The following FARP1 variants were observed in gnomAD, a reference collection of about 807,000 sequenced individuals.
FARP1 encodes FERM, ARHGEF and pleckstrin domain-containing protein 1.
Under a neutral mutation model 128.8 loss-of-function variants are expected in FARP1, and 52 were observed. That is an observed-to-expected ratio of 0.40 (90% CI 0.32 to 0.51). FARP1 has a LOEUF of 0.51. FARP1 is among the 20% of genes least tolerant of loss of function. The probability of loss-of-function intolerance (pLI) is 0.45; values close to 1 mark genes in which losing one functional copy is unlikely to be tolerated. For missense variants in FARP1, 1,333 were observed against 1,367.9 expected, an observed-to-expected ratio of 0.97 and a Z score of 0.40; for synonymous variants, 580 against 551.8, an observed-to-expected ratio of 1.05 and a Z score of -0.72.
chr13:98,163,020 G>A (rs1278010006), intron 1 of FARP1, among the ~76,000 whole-genome samples: 16 of 152,114 alleles, frequency 1.1e-4, no homozygotes, highest in Non-Finnish European at 1.6e-4. Context: ...ACATAGGCAC[G>A]TGAATGTTCA....
chr13:98,292,428 CA>C (rs1423599206), intron 2 of FARP1, among the ~76,000 whole-genome samples: 4 of 152,152 alleles, frequency 2.6e-5, no homozygotes, highest in Admixed American at 2.0e-4. Flanking sequence ...ATGTATTTGT[CA>C]AAACACTTTA....
At chr13:98,170,784 G>A (rs1594226038) in intron 1 of FARP1, among the ~76,000 whole-genome samples, 2 of 152,064 alleles carry the variant, frequency 1.3e-5, no homozygotes, top group African/African-American at 2.4e-5. Context: ...GAGCCACCGC[G>A]CCCGGCCATC....
At chr13:98,257,615 C>G (rs557562857) in intron 2 of FARP1, among the ~76,000 whole-genome samples, 7 of 152,196 alleles carry the variant, frequency 4.6e-5, no homozygotes, top group African/African-American at 1.4e-4. Context: ...ACTAAAGATA[C>G]AAAAATTAGC....
At chr13:98,408,195 G>A (rs538879277) in intron 13 of FARP1, among the ~76,000 whole-genome samples, 1 of 152,166 alleles carries the variant, frequency 6.6e-6, no homozygotes, top group Non-Finnish European at 1.5e-5. Flanking sequence ...ACTTAGGTTA[G>A]AAGTATATTC....
intron 1 of FARP1, among the ~76,000 whole-genome samples, chr13:98,191,835 C>T (rs185753069): frequency 1.2e-4 from 19 of 152,218 alleles, no homozygotes; most frequent in Admixed American, 1.0e-3. Flanking sequence ...CTCAGCTACT[C>T]GGGAGGCTGA....
chr13:98,343,220 C>G (rs1403624389), intron 2 of FARP1, among the ~76,000 whole-genome samples: 1 of 152,118 alleles, frequency 6.6e-6, no homozygotes, highest in Admixed American at 6.5e-5. Flanking sequence ...AGCTGGAACA[C>G]AGAGGAGTTT....
chr13:98,387,032 C>T (rs998066011), intron 8 of FARP1, among the ~76,000 whole-genome samples: 9 of 152,060 alleles, frequency 5.9e-5, no homozygotes, highest in Non-Finnish European at 1.2e-4. Context: ...CGGGCGCGGT[C>T]GCTCACACCT....
At chr13:98,331,287 A>T (rs1426966929) in intron 2 of FARP1, among the ~76,000 whole-genome samples, 1 of 152,214 alleles carries the variant, frequency 6.6e-6, no homozygotes, top group Non-Finnish European at 1.5e-5. Context: ...TCGAGAATCT[A>T]TGTGTTCGTA....
intron 2 of FARP1, among the ~76,000 whole-genome samples, chr13:98,219,495 C>T (rs567938831): frequency 1.6e-4 from 25 of 151,906 alleles, no homozygotes; most frequent in Middle Eastern, 3.4e-3. Context: ...GCCACCACAC[C>T]GGGCTAATTT....
At chr13:98,244,544 G>C in intron 2 of FARP1, 2 of 1,614,146 alleles carry the variant, frequency 1.2e-6, no homozygotes, top group Non-Finnish European at 1.7e-6. Flanking sequence ...GGACGGGTTG[G>C]GTACTGAGAT....
At chr13:98,323,800 T>G (rs1887110442) in intron 2 of FARP1, among the ~76,000 whole-genome samples, 1 of 152,232 alleles carries the variant, frequency 6.6e-6, no homozygotes, top group Admixed American at 6.5e-5. Context: ...CAGTTAACTT[T>G]ATTCAGCCTT....
chr13:98,278,710 G>T (rs1391257928), intron 2 of FARP1, among the ~76,000 whole-genome samples: 2 of 152,176 alleles, frequency 1.3e-5, no homozygotes, highest in Non-Finnish European at 2.9e-5. Context: ...TTTCTACCTT[G>T]TGGTTTCATG....
intron 11 of FARP1, among the ~76,000 whole-genome samples, chr13:98,391,788 G>A (rs1201046747): frequency 6.6e-6 from 1 of 152,214 alleles, no homozygotes; most frequent in Non-Finnish European, 1.5e-5. Context: ...CTGCTAAGCA[G>A]TTTCTGGCCA....
chr13:98,356,110 G>A (rs1888626676), intron 3 of FARP1, among the ~76,000 whole-genome samples: 1 of 152,104 alleles, frequency 6.6e-6, no homozygotes, highest in Admixed American at 6.5e-5. Flanking sequence ...ATTTCAATGA[G>A]GTTACGTTGT....
rs769133281 is a variant in FARP1 at position 98,258,554 on chromosome 13, A to G, written c.171+45141A>G. The stretch of plus-strand genomic sequence containing the variant: ...GAGGTAAAAGATCTGAATAGTGGCA[A>G]AGATGATGGGAAAAATCAGTTGGGT... On this transcript the variant is annotated intron_variant, in intron 2 of 26. Transcript: ENST00000319562. Among the ~76,000 whole-genome samples, 73 of 152,206 alleles carry G rather than the reference A, an allele frequency of 4.8e-4. 1 individual carries two copies. The highest frequency in any genetic ancestry group is 1.7e-3 in the African/African-American group (72 of 41,448).
chr13:98,165,214 C>CAAAAAAAA, intron 1 of FARP1, among the ~76,000 whole-genome samples: 1 of 84,764 alleles, frequency 1.2e-5, no homozygotes, highest in Non-Finnish European at 2.2e-5. Flanking sequence ...GACTCTGTCT[C>CAAAAAAAA]AAAAAAAAAA....
chr13:98,292,044 A>G (rs753335262), intron 2 of FARP1, among the ~76,000 whole-genome samples: 18 of 152,224 alleles, frequency 1.2e-4, no homozygotes, highest in Non-Finnish European at 2.4e-4. Context: ...CAAGGGTAGG[A>G]AGCAAAATGT....
intron 1 of FARP1, among the ~76,000 whole-genome samples, chr13:98,209,603 C>G (rs1305268727): frequency 2.1e-5 from 3 of 145,574 alleles, no homozygotes; most frequent in Non-Finnish European, 4.5e-5. Context: ...TCAAGACCAG[C>G]CTAGCCAACA....
chr13:98,245,483 G>T (rs1594316321), intron 2 of FARP1, among the ~76,000 whole-genome samples: 3 of 152,092 alleles, frequency 2.0e-5, no homozygotes, highest in Middle Eastern at 3.4e-3. Context: ...CAATTAGAGT[G>T]ACACAGGAGG....
Sources: gnomAD v4.1 joint callset for allele counts (sites outside exome capture counted in the v4.1 genomes callset) on GRCh38, gnomAD v4.1.1 for gene constraint, MANE v1.5 for transcripts, NCBI Gene and HGNC (gene_info 2026-07-23, HGNC 2026-07-21) for gene names.